ERMP1: variants seen among roughly 807,000 people sequenced by gnomAD.
ERMP1 encodes endoplasmic reticulum metallopeptidase 1, also known as Felix-ina.
In ERMP1, 86 loss-of-function variants were observed where a neutral mutation model predicts 92.0. The ratio of observed to expected loss-of-function variants is 0.93; its 90% CI spans 0.79 to 1.12. The LOEUF is 1.12. Ranked by LOEUF, ERMP1 falls within the 50% of genes most tolerant of loss-of-function variation. The pLI, the probability that ERMP1 is intolerant of heterozygous loss-of-function variation, is 0.00. For missense variants in ERMP1, 1,342 were observed against 1,116.3 expected (o/e 1.20, Z -2.88); for synonymous variants, 530 against 412.8 (o/e 1.28, Z -3.44).
intron 6 of ERMP1, among the ~76,000 whole-genome samples, chr9:5,845,369 C>T (rs939443191): frequency 3.3e-5 from 5 of 151,896 alleles, no homozygotes; most frequent in African/African-American, 1.2e-4. Flanking sequence ...TCAAGACCAG[C>T]CTGGGCAACA....
chr9:5,840,124 T>C (rs929115363), intron 6 of ERMP1, among the ~76,000 whole-genome samples: 33 of 152,142 alleles, frequency 2.2e-4, no homozygotes, highest in African/African-American at 8.0e-4. Flanking sequence ...GGCCTGTAAT[T>C]CCAGCTACTC....
At chr9:5,829,060 A>T (rs762085734) in intron 2 of ERMP1, among the ~76,000 whole-genome samples, 1 of 152,100 alleles carries the variant, frequency 6.6e-6, no homozygotes, top group Non-Finnish European at 1.5e-5. Flanking sequence ...CCTGGCCAAC[A>T]TGGTGAAACC....
In ERMP1 at chr9:5,787,374, C is replaced by A. The variant is rs1827987309; in HGVS notation, c.2550+56G>T. 3.1e-6 allele frequency: 5 copies of A among 1,602,684 alleles called. No homozygotes were observed. In the East Asian group the frequency reaches 1.1e-4, roughly 36 times the overall value. On this transcript the variant is annotated intron_variant, in intron 14 of 14. Transcript: ENST00000339450. Reference sequence around the variant, plus strand: ...CAGAATACTGAACCCAAGGTTCTTGCTAAATACCACCTGGGAACCTAATCA... The same window carrying A: ...CAGAATACTGAACCCAAGGTTCTTGATAAATACCACCTGGGAACCTAATCA...
rs1408550908 is a variant in ERMP1 at position 5,785,220 on chromosome 9, T to G, written c.*1924A>C. The G allele has an allele frequency of 2.6e-5, 4 of 152,134 alleles. No homozygotes were observed. Among genetic ancestry groups the G allele is most frequent in the Non-Finnish European group, 5.9e-5 (4 of 68,024 alleles). The allele number at this position is 152,134 out of a possible 1,614,324, so 9.4% of individuals were successfully genotyped here. On this transcript the variant is annotated 3_prime_UTR_variant, in exon 15 of 15. Coordinates refer to ENST00000339450, the MANE Select transcript of ERMP1 (RefSeq NM_024896.3). ...CCCTAAGGCAATATGAAAACAGTCA[T>G]AATTTATTACTGATAAAGAGTAAAG...
chr9:5,813,387 T>A (rs995911997), intron 4 of ERMP1, among the ~76,000 whole-genome samples: 4 of 152,238 alleles, frequency 2.6e-5, no homozygotes, highest in Non-Finnish European at 4.4e-5. Flanking sequence ...ACTCAAGATA[T>A]ATATACTTTG....
chr9:5,818,955 A>G (rs1287764247), intron 4 of ERMP1, among the ~76,000 whole-genome samples: 1 of 152,230 alleles, frequency 6.6e-6, no homozygotes, highest in Non-Finnish European at 1.5e-5. Flanking sequence ...AGTATTTTAA[A>G]AATCCTTACT....
intron 4 of ERMP1, among the ~76,000 whole-genome samples, chr9:5,818,032 G>A (rs1315297838): frequency 6.6e-6 from 1 of 152,092 alleles, no homozygotes. Flanking sequence ...AGATCACATG[G>A]TGGATCTATC....
At chr9:5,799,910 G>A (rs1052210476) in intron 11 of ERMP1, among the ~76,000 whole-genome samples, 1 of 152,104 alleles carries the variant, frequency 6.6e-6, no homozygotes, top group Admixed American at 6.5e-5. Context: ...TTCACTAAAG[G>A]TTTTACAAAT....
chr9:5,832,424 G>A (rs1829978966), intron 1 of ERMP1: 1 of 427,590 alleles, frequency 2.3e-6, no homozygotes, highest in Non-Finnish European at 4.1e-6. Context: ...CTGCACGAAG[G>A]GCAGACAGTG....
intron 13 of ERMP1, among the ~76,000 whole-genome samples, chr9:5,790,623 A>G (rs565888550): frequency 4.6e-5 from 7 of 152,346 alleles, no homozygotes; most frequent in Admixed American, 4.6e-4. Flanking sequence ...TAAAAGTCCT[A>G]TCTTATTTCT....
At chr9:5,850,974 C>G (rs1463675199) in intron 6 of ERMP1, among the ~76,000 whole-genome samples, 8 of 152,210 alleles carry the variant, frequency 5.3e-5, no homozygotes, top group African/African-American at 1.9e-4. Flanking sequence ...ACCCTCAATT[C>G]AATCCCCCAT....
intron 6 of ERMP1, chr9:5,856,329 TC>T: frequency 4.4e-6 from 1 of 225,470 alleles, no homozygotes. Context: ...CTTGGTGTTC[TC>T]CCGCAAGAAA....
intron 5 of ERMP1, among the ~76,000 whole-genome samples, chr9:5,861,359 C>A (rs10975321): frequency 6.6e-6 from 1 of 152,122 alleles, no homozygotes; most frequent in East Asian, 1.9e-4. Context: ...GAAATATATT[C>A]TACACTCTTT....
intron 5 of ERMP1, among the ~76,000 whole-genome samples, chr9:5,861,907 C>T (rs1292433798): frequency 1.3e-5 from 2 of 151,644 alleles, no homozygotes; most frequent in Non-Finnish European, 2.9e-5. Context: ...CCTCCTGTTA[C>T]CAAAAGTGGT....
chr9:5,866,611 G>T (rs1048819857), intron 5 of ERMP1, among the ~76,000 whole-genome samples: 5 of 152,178 alleles, frequency 3.3e-5, no homozygotes, highest in Admixed American at 2.6e-4. Flanking sequence ...TAATTTCATA[G>T]AACTGGAGGC....
chr9:5,866,795 G>T (rs984545893), intron 5 of ERMP1, among the ~76,000 whole-genome samples: 2 of 152,142 alleles, frequency 1.3e-5, no homozygotes, highest in Non-Finnish European at 2.9e-5. Flanking sequence ...AAAGAGCAAG[G>T]TATGTATATT....
At chr9:5,815,494 CAAAAAAA>C (rs3068691) in intron 4 of ERMP1, among the ~76,000 whole-genome samples, 153 of 97,418 alleles carry the variant, frequency 1.6e-3, no homozygotes, top group African/African-American at 6.0e-3. Flanking sequence ...ACTGAAATAA[CAAAAAAA>C]AAAAAAAAAA....
intron 5 of ERMP1, among the ~76,000 whole-genome samples, chr9:5,864,462 G>A (rs1830592007): frequency 6.6e-6 from 1 of 152,186 alleles, no homozygotes; most frequent in South Asian, 2.1e-4. Flanking sequence ...TAGAGTAGAA[G>A]TAATTAATAG....
At chr9:5,857,041 G>A (rs979482483) in intron 6 of ERMP1, among the ~76,000 whole-genome samples, 1 of 151,680 alleles carries the variant, frequency 6.6e-6, no homozygotes, top group African/African-American at 2.4e-5. Context: ...TTCATTTGGA[G>A]ACAGGGTCTT....
Sources: allele counts gnomAD v4.1 joint callset (sites outside exome capture counted in the v4.1 genomes callset), GRCh38; gene constraint gnomAD v4.1.1; transcripts MANE v1.5; gene names NCBI Gene and HGNC (gene_info 2026-07-23, HGNC 2026-07-21).